Variants in INSYN2B observed in about 807,000 individuals in gnomAD.
INSYN2B encodes protein INSYN2B.
A neutral mutation model predicts 41.2 loss-of-function variants in INSYN2B; 16 were observed. That is an observed-to-expected ratio of 0.39 (90% CI 0.26 to 0.59). The LOEUF is 0.59. INSYN2B is among the 20% of genes least tolerant of loss of function. The probability of loss-of-function intolerance (pLI) is 0.57; values close to 1 mark genes in which losing one functional copy is unlikely to be tolerated. For synonymous variants in INSYN2B, 245 were observed against 244.4 expected (o/e 1.00, Z -0.02); for missense variants, 608 against 646.4 (o/e 0.94, Z 0.64).
At chr5:169,931,101 T>C (rs1459136043) in intron 1 of INSYN2B, among the ~76,000 whole-genome samples, 3 of 152,182 alleles carry the variant, frequency 2.0e-5, no homozygotes, top group African/African-American at 4.8e-5. Context: ...GGTTGACTCA[T>C]TGGCCAAACT....
At chr5:169,948,290 G>A (rs1021891659) in intron 1 of INSYN2B, among the ~76,000 whole-genome samples, 4 of 135,410 alleles carry the variant, frequency 3.0e-5, no homozygotes, top group East Asian at 2.0e-4. Flanking sequence ...GATTCAGAAC[G>A]TTTTTTAAAA....
chr5:169,953,729 C>T (rs985430597), intron 1 of INSYN2B, among the ~76,000 whole-genome samples: 2 of 152,252 alleles, frequency 1.3e-5, no homozygotes, highest in Middle Eastern at 3.4e-3. Flanking sequence ...GGGACATGCA[C>T]CTCCCTCCCT....
chr5:169,947,872 G>A (rs1360465904), intron 1 of INSYN2B, among the ~76,000 whole-genome samples: 1 of 152,138 alleles, frequency 6.6e-6, no homozygotes, highest in Middle Eastern at 3.2e-3. Context: ...CCTGCTGGGT[G>A]AGCATGAGCA....
chr5:169,906,908 A>G (rs1267137960), intron 1 of INSYN2B, among the ~76,000 whole-genome samples: 3 of 152,150 alleles, frequency 2.0e-5, no homozygotes, highest in Non-Finnish European at 4.4e-5. Flanking sequence ...GGTGCTGAGA[A>G]AGCAAATGCT....
intron 1 of INSYN2B, among the ~76,000 whole-genome samples, chr5:169,927,005 A>G (rs980677178): frequency 6.6e-6 from 1 of 152,234 alleles, no homozygotes; most frequent in Non-Finnish European, 1.5e-5. Context: ...TCTCTCTGAC[A>G]TTTGTGTTAA....
chr5:169,965,095 T>C (rs1429020433), intron 1 of INSYN2B, among the ~76,000 whole-genome samples: 1 of 152,190 alleles, frequency 6.6e-6, no homozygotes. Flanking sequence ...CCATCATCCA[T>C]TGCTGCACAT....
At chr5:169,960,055 T>A (rs897123721) in intron 1 of INSYN2B, among the ~76,000 whole-genome samples, 1 of 152,210 alleles carries the variant, frequency 6.6e-6, no homozygotes, top group African/African-American at 2.4e-5. Flanking sequence ...CTCAAAGAAC[T>A]GCCTTTATTG....
intron 3 of INSYN2B, among the ~76,000 whole-genome samples, chr5:169,868,577 A>G (rs1489619418): frequency 3.9e-5 from 6 of 152,114 alleles, no homozygotes. Context: ...TGGGCAACAT[A>G]GCGAGACACC....
rs1231259656 is a variant in INSYN2B at position 169,861,878 on chromosome 5, G to A, written c.*2395C>T. Among the ~76,000 whole-genome samples, 1 of 151,628 alleles carries A rather than the reference G, an allele frequency of 6.6e-6. No homozygotes were observed. Among genetic ancestry groups the A allele is most frequent in the Non-Finnish European group, 1.5e-5 (1 of 67,906 alleles). On this transcript the variant is annotated 3_prime_UTR_variant, in exon 4 of 4. Transcript: ENST00000377365. ...TTTGGTGTAGAATCAGTACAGCCTT[G>A]TTTGGCTGTATTTCTAGAAATGTCA...
chr5:169,889,225 T>G (rs1446482944), intron 1 of INSYN2B, among the ~76,000 whole-genome samples: 1 of 152,234 alleles, frequency 6.6e-6, no homozygotes, highest in Admixed American at 6.5e-5. Context: ...TAATTAAGAG[T>G]GAAGGAATTA....
At chr5:169,873,668 G>C (rs940149373) in intron 3 of INSYN2B, among the ~76,000 whole-genome samples, 2 of 152,206 alleles carry the variant, frequency 1.3e-5, no homozygotes, top group Non-Finnish European at 2.9e-5. Flanking sequence ...GTGAAAAGTT[G>C]GCTGCTAAAC....
At chr5:169,882,135 T>A (rs1772690848) in intron 2 of INSYN2B, among the ~76,000 whole-genome samples, 1 of 152,166 alleles carries the variant, frequency 6.6e-6, no homozygotes, top group African/African-American at 2.4e-5. Context: ...CCATCTCAAG[T>A]CCTTTGTCAC....
intron 1 of INSYN2B, among the ~76,000 whole-genome samples, chr5:169,898,871 A>G (rs146387792): frequency 1.8e-3 from 271 of 152,358 alleles, no homozygotes; most frequent in South Asian, 6.6e-3. Context: ...TGTGTAAAGC[A>G]GCAAGTCAGA....
At chr5:169,962,543 G>C (rs1470675489) in intron 1 of INSYN2B, among the ~76,000 whole-genome samples, 1 of 152,166 alleles carries the variant, frequency 6.6e-6, no homozygotes, top group Non-Finnish European at 1.5e-5. Flanking sequence ...TGTCAGACAG[G>C]TAGTTGTGTC....
intron 1 of INSYN2B, among the ~76,000 whole-genome samples, chr5:169,953,662 G>A (rs1228161240): frequency 6.6e-6 from 1 of 152,192 alleles, no homozygotes; most frequent in Non-Finnish European, 1.5e-5. Context: ...GCAAGTAGTG[G>A]TAGAGCCAGC....
At chr5:169,978,465 C>T (rs1347646993) in intron 1 of INSYN2B, among the ~76,000 whole-genome samples, 1 of 147,086 alleles carries the variant, frequency 6.8e-6, no homozygotes, top group Non-Finnish European at 1.5e-5. Context: ...ATGTTGTACA[C>T]TAAAATTATT....
intron 1 of INSYN2B, among the ~76,000 whole-genome samples, chr5:169,953,893 A>G (rs1401374130): frequency 6.6e-6 from 1 of 152,230 alleles, no homozygotes; most frequent in Non-Finnish European, 1.5e-5. Context: ...CCTCATCAGT[A>G]GAATAGGAAT....
At chr5:169,969,518 A>G (rs1170103805) in intron 1 of INSYN2B, among the ~76,000 whole-genome samples, 1 of 152,238 alleles carries the variant, frequency 6.6e-6, no homozygotes, top group African/African-American at 2.4e-5. Context: ...GCTTTTGCAA[A>G]TACCAAATAG....
chr5:169,939,203 C>CTT (rs56040572), intron 1 of INSYN2B, among the ~76,000 whole-genome samples: 70 of 143,722 alleles, frequency 4.9e-4, no homozygotes, highest in African/African-American at 8.7e-4. Context: ...TGTGCCCGGC[C>CTT]TTTTTTTTTT....
Sources: gnomAD v4.1 joint callset for allele counts (sites outside exome capture counted in the v4.1 genomes callset) on GRCh38, gnomAD v4.1.1 for gene constraint, MANE v1.5 for transcripts, NCBI Gene and HGNC (gene_info 2026-07-23, HGNC 2026-07-21) for gene names.